MYLK4: variants seen among roughly 807,000 people sequenced by gnomAD.
MYLK4 encodes caMLCK like.
MYLK4 carries 46 observed loss-of-function variants against 48.1 expected under a neutral mutation model. The ratio of observed to expected loss-of-function variants is 0.96; its 90% CI spans 0.75 to 1.22. The LOEUF (loss-of-function observed/expected upper bound fraction) is 1.22, where lower values mean the gene tolerates loss of function less well. MYLK4 is among the 50% of genes most tolerant of loss of function. The probability of loss-of-function intolerance (pLI) is 0.00; values close to 1 mark genes in which losing one functional copy is unlikely to be tolerated. For synonymous variants in MYLK4, 170 were observed against 180.8 expected (o/e 0.94, Z 0.48); for missense variants, 451 against 486.1 (o/e 0.93, Z 0.68).
the MYLK4 span, among the ~76,000 whole-genome samples, chr6:2,762,996 GC>G: frequency 6.6e-6 from 1 of 152,132 alleles, no homozygotes; most frequent in South Asian, 2.1e-4. Flanking sequence ...ACCCACACAA[GC>G]AAAAGAAAGC....
chr6:2,764,716 A>C, the MYLK4 span, among the ~76,000 whole-genome samples: 2 of 152,058 alleles, frequency 1.3e-5, no homozygotes, highest in African/African-American at 4.8e-5. Context: ...GGTGTTTCCG[A>C]TTTGCCACTA....
intron 8 of MYLK4, 42 bp from the exon 9 acceptor site, chr6:2,679,450 C>A (rs1228311251): frequency 7.4e-6 from 12 of 1,612,386 alleles, no homozygotes; most frequent in Non-Finnish European, 1.0e-5. Flanking sequence ...ACGTGTCGAT[C>A]AAAAATCGTG....
At chr6:2,744,843 G>T (rs1410382961) in intron 2 of MYLK4, among the ~76,000 whole-genome samples, 1 of 152,208 alleles carries the variant, frequency 6.6e-6, no homozygotes, top group East Asian at 1.9e-4. Context: ...CCCTATGAAG[G>T]AAGGCTTTCA....
chr6:2,742,376 C>T (rs1397177583), intron 2 of MYLK4, among the ~76,000 whole-genome samples: 1 of 151,970 alleles, frequency 6.6e-6, no homozygotes, highest in Non-Finnish European at 1.5e-5. Flanking sequence ...GGGTATATAC[C>T]CAAAGGATTA....
intron 11 of MYLK4, among the ~76,000 whole-genome samples, chr6:2,674,806 C>A (rs1436976107): frequency 6.6e-6 from 1 of 152,078 alleles, no homozygotes; most frequent in Non-Finnish European, 1.5e-5. Context: ...GGGAGGTGGA[C>A]GTTGCAGTGA....
the MYLK4 span, among the ~76,000 whole-genome samples, chr6:2,759,749 T>C: frequency 3.9e-5 from 6 of 152,356 alleles, no homozygotes; most frequent in South Asian, 6.2e-4. Context: ...TTCAACATGA[T>C]AATGGTGCTG....
At chr6:2,713,977 T>A (rs1329825064) in intron 2 of MYLK4, among the ~76,000 whole-genome samples, 1 of 152,214 alleles carries the variant, frequency 6.6e-6, no homozygotes, top group African/African-American at 2.4e-5. Context: ...CATTAGGATG[T>A]CTACTGACAA....
chr6:2,691,740 T>C (rs1294107986), intron 3 of MYLK4, among the ~76,000 whole-genome samples: 1 of 152,262 alleles, frequency 6.6e-6, no homozygotes, highest in African/African-American at 2.4e-5. Flanking sequence ...TTAATCATCA[T>C]CTTTGTCTAC....
chr6:2,745,031 G>T (rs1324125126), intron 2 of MYLK4, among the ~76,000 whole-genome samples: 1 of 152,188 alleles, frequency 6.6e-6, no homozygotes, highest in Non-Finnish European at 1.5e-5. Context: ...GTAACTAGGG[G>T]TGAACAGGCA....
At chr6:2,730,276 TGCCCCCAAGGG>T (rs915337234) in intron 2 of MYLK4, among the ~76,000 whole-genome samples, 4 of 152,340 alleles carry the variant, frequency 2.6e-5, no homozygotes, top group Admixed American at 1.3e-4. Context: ...CCCAATCTAC[TGCCCCCAAGGG>T]AGCCCCTCTT....
intron 11 of MYLK4, 105 bp downstream of exon 11, chr6:2,674,942 A>G (rs1213748337): frequency 1.2e-6 from 1 of 834,592 alleles, no homozygotes; most frequent in African/African-American, 1.7e-5. Context: ...CTGTGAGAAA[A>G]AGAATGAGAA....
rs56959282 is a variant in MYLK4, at chr6:2,699,287, C to CTTTTTTTTTTTTTTTTTTT, written c.160-6447_160-6429dup. Among the ~76,000 whole-genome samples, 105 of 77,890 alleles carry CTTTTTTTTTTTTTTTTTTT rather than the reference C, an allele frequency of 1.3e-3. 9 individuals are homozygous for CTTTTTTTTTTTTTTTTTTT. The highest frequency in any genetic ancestry group is 2.3e-3 in the Admixed American group (12 of 5,110). 51.1% of individuals were successfully genotyped at this position (77,890 alleles called of 152,430 possible). ...CATGCTACCACTTTTCTTTTCTTTT[C>CTTTTTTTTTTTTTTTTTTT]TTTTTTTTTTTTTTTTTTTTTTGAT... is the stretch of plus-strand genomic sequence containing the variant. On this transcript the variant is annotated intron_variant, in intron 2 of 12. Coordinates refer to ENST00000274643, the MANE Select transcript of MYLK4 (RefSeq NM_001012418.5).
upstream of MYLK4, among the ~76,000 whole-genome samples, chr6:2,752,990 T>A (rs538752587): frequency 8.5e-5 from 13 of 152,336 alleles, no homozygotes; most frequent in East Asian, 2.5e-3. Context: ...CAGCCTAGCC[T>A]CAGGATCCTA....
At chr6:2,716,910 A>G (rs895351688) in intron 2 of MYLK4, among the ~76,000 whole-genome samples, 59 of 152,248 alleles carry the variant, frequency 3.9e-4, no homozygotes, top group African/African-American at 1.4e-3. Flanking sequence ...ACTATAGTAA[A>G]GATAAGAGAC....
chr6:2,766,443 AG>A, the MYLK4 span: 1 of 1,550,414 alleles, frequency 6.4e-7, no homozygotes, highest in Non-Finnish European at 8.8e-7. Flanking sequence ...GGCTGCGGCA[AG>A]GTGAGTGCGG....
the MYLK4 span, chr6:2,766,573 TGG>T: frequency 7.2e-7 from 1 of 1,382,248 alleles, no homozygotes; most frequent in Non-Finnish European, 9.4e-7. Context: ...GGTGCAGACT[TGG>T]GCTGGGCTGG....
At chr6:2,727,974 C>A (rs1763340423) in intron 2 of MYLK4, among the ~76,000 whole-genome samples, 1 of 149,870 alleles carries the variant, frequency 6.7e-6, no homozygotes, top group African/African-American at 2.5e-5. Context: ...AAAATGCTAT[C>A]ATTTACTTAG....
rs1181784406 is a variant in MYLK4 at position 2,688,843 on chromosome 6, T to A, written c.341+8A>T. ...GTTGAGAGAATATTAACATTCAGCC[T>A]TACTCACCCTCCTAGGATTTCTGTC... On this transcript the variant is annotated splice_region_variant and intron_variant, in intron 4 of 12. Coordinates refer to ENST00000274643, the MANE Select transcript of MYLK4 (RefSeq NM_001012418.5). 5.0e-6 allele frequency: 8 copies of A among 1,609,498 alleles called. No individual in the cohort carries two copies. Among genetic ancestry groups the A allele is most frequent in the Non-Finnish European group, 6.8e-6 (8 of 1,175,926 alleles).
rs1760959962 is a variant in MYLK4, at chr6:2,672,960, T to TAGCTGTA, written c.1120-1613_1120-1612insTACAGCT. 6.6e-6 allele frequency among the ~76,000 whole-genome samples: 1 copy of TAGCTGTA among 152,172 alleles called. No individual in the cohort carries two copies. Among genetic ancestry groups the TAGCTGTA allele is most frequent in the Non-Finnish European group, 1.5e-5 (1 of 68,036 alleles). On this transcript the variant is annotated intron_variant, in intron 11 of 12. Coordinates refer to ENST00000274643, the MANE Select transcript of MYLK4 (RefSeq NM_001012418.5). This position sits in a 1 kb window ranked among gnomAD's most constrained non-coding sequence, Gnocchi z 4.3. ...GAGTACCTCCACAATACTGTATAAT[T>TAGCTGTA]ATAGCTGTAATAACTAGATTTATAA...
Sources: gnomAD v4.1 joint callset for allele counts (sites outside exome capture counted in the v4.1 genomes callset) on GRCh38, gnomAD v4.1.1 for gene constraint, Gnocchi (gnomAD v3.1) non-coding constraint, MANE v1.5 for transcripts, NCBI Gene and HGNC (gene_info 2026-07-23, HGNC 2026-07-21) for gene names.